MACROD2: variants seen among roughly 807,000 people sequenced by gnomAD.
The protein encoded by MACROD2 is ADP-ribose glycohydrolase MACROD2.
MACROD2 carries 36 observed loss-of-function variants against 70.4 expected under a neutral mutation model. The observed-to-expected ratio is 0.51, with a 90% CI of 0.39 to 0.68. The LOEUF (loss-of-function observed/expected upper bound fraction) is 0.68, where lower values mean the gene tolerates loss of function less well. Among genes scored for constraint, MACROD2 ranks in the 30% least tolerant of loss-of-function variants. The pLI is 0.00. For missense variants in MACROD2, 496 were observed against 538.4 expected (o/e 0.92, Z 0.78); for synonymous variants, 172 against 178.8 (o/e 0.96, Z 0.30).
At chr20:15,286,387 G>T (rs978452720) in intron 6 of MACROD2, among the ~76,000 whole-genome samples, 7 of 151,448 alleles carry the variant, frequency 4.6e-5, no homozygotes, top group African/African-American at 1.7e-4. Context: ...GATTCTCCAG[G>T]TTTATCATAT....
chr20:15,536,402 C>A (rs2047875704), intron 8 of MACROD2, among the ~76,000 whole-genome samples: 1 of 152,132 alleles, frequency 6.6e-6, no homozygotes, highest in Admixed American at 6.5e-5. Flanking sequence ...ATTCTAAGGG[C>A]CCTGGGGATT....
chr20:14,865,040 G>C (rs2073413575), intron 5 of MACROD2, among the ~76,000 whole-genome samples: 3 of 152,042 alleles, frequency 2.0e-5, no homozygotes, highest in African/African-American at 7.2e-5. Flanking sequence ...CTGGTCCTGG[G>C]CCTGTTTGGT....
At chr20:14,936,513 A>G (rs1187442287) in intron 5 of MACROD2, among the ~76,000 whole-genome samples, 1 of 152,174 alleles carries the variant, frequency 6.6e-6, no homozygotes, top group Admixed American at 6.5e-5. Context: ...GAATAAAATA[A>G]ATACATGAAA....
chr20:15,066,798 C>T (rs408041), intron 5 of MACROD2, among the ~76,000 whole-genome samples: 26,646 of 151,478 alleles, frequency 0.18, 2,812 homozygotes, highest in Non-Finnish European at 0.24. Flanking sequence ...AGGAGAATCG[C>T]TTGAACCCGC....
intron 5 of MACROD2, among the ~76,000 whole-genome samples, chr20:14,890,896 A>C (rs919707437): frequency 6.6e-6 from 1 of 152,018 alleles, no homozygotes; most frequent in Admixed American, 6.6e-5. Context: ...CAGCAATTTG[A>C]ATGTCATGAT....
intron 3 of MACROD2, among the ~76,000 whole-genome samples, chr20:14,290,530 A>G (rs1231745349): frequency 1.1e-4 from 15 of 134,926 alleles, no homozygotes; most frequent in South Asian, 2.4e-4. Flanking sequence ...TTTTTTTGAG[A>G]TGGAGTTTTG....
chr20:15,841,466 T>G (rs531673005), intron 8 of MACROD2, among the ~76,000 whole-genome samples: 2 of 152,208 alleles, frequency 1.3e-5, no homozygotes, highest in Admixed American at 6.5e-5. Flanking sequence ...TTAGGAAGCT[T>G]ACAGTCATGT....
chr20:14,899,766 A>G (rs1453613648), intron 5 of MACROD2, among the ~76,000 whole-genome samples: 1 of 152,170 alleles, frequency 6.6e-6, no homozygotes, highest in Non-Finnish European at 1.5e-5. Context: ...CTTTAATGTG[A>G]AGAATTTGAA....
At chr20:15,050,038 T>C (rs1261260235) in intron 5 of MACROD2, among the ~76,000 whole-genome samples, 1 of 152,096 alleles carries the variant, frequency 6.6e-6, no homozygotes, top group African/African-American at 2.4e-5. Context: ...GCTTCCTGCC[T>C]CTAAGCATGT....
intron 8 of MACROD2, among the ~76,000 whole-genome samples, chr20:15,573,139 G>C (rs2048397782): frequency 1.3e-5 from 2 of 152,118 alleles, no homozygotes; most frequent in South Asian, 4.1e-4. Context: ...TGTTGGCATA[G>C]TTCATTCCAG....
chr20:15,362,856 T>A (rs1005998111), intron 6 of MACROD2, among the ~76,000 whole-genome samples: 2 of 149,882 alleles, frequency 1.3e-5, no homozygotes, highest in Non-Finnish European at 3.0e-5. Flanking sequence ...AGGAAAAAAA[T>A]TTAAAAATAT....
At chr20:14,487,052 A>C (rs776049603) in intron 3 of MACROD2, among the ~76,000 whole-genome samples, 12 of 152,218 alleles carry the variant, frequency 7.9e-5, no homozygotes, top group Non-Finnish European at 1.8e-4. Flanking sequence ...AGCAGTGAAC[A>C]TCTCAGAGTG....
intron 5 of MACROD2, among the ~76,000 whole-genome samples, chr20:14,797,108 G>C (rs1319517151): frequency 1.3e-5 from 2 of 151,824 alleles, no homozygotes; most frequent in Non-Finnish European, 2.9e-5. Flanking sequence ...CAGTCTGTCC[G>C]TGTTACTCTC....
chr20:15,526,326 T>G (rs6079873), intron 8 of MACROD2, among the ~76,000 whole-genome samples: 1 of 152,164 alleles, frequency 6.6e-6, no homozygotes, highest in Non-Finnish European at 1.5e-5. Context: ...GATGGAATGA[T>G]ATATAATTAG....
At chr20:15,457,407 A>G (rs977416135) in intron 7 of MACROD2, among the ~76,000 whole-genome samples, 7 of 152,152 alleles carry the variant, frequency 4.6e-5, no homozygotes, top group East Asian at 1.9e-4. Flanking sequence ...ATAATCAGGC[A>G]TAATCTCATA....
At chr20:14,091,181 C>A (rs2054143864) in intron 3 of MACROD2, among the ~76,000 whole-genome samples, 1 of 152,084 alleles carries the variant, frequency 6.6e-6, no homozygotes, top group Admixed American at 6.6e-5. Flanking sequence ...CAAATATTTT[C>A]TCCCATTTTG....
At chr20:15,220,466 A>G (rs2076850044) in intron 5 of MACROD2, among the ~76,000 whole-genome samples, 1 of 152,240 alleles carries the variant, frequency 6.6e-6, no homozygotes, top group Admixed American at 6.5e-5. Context: ...AGAGTTAGCA[A>G]GAATCTTGGG....
intron 8 of MACROD2, among the ~76,000 whole-genome samples, chr20:15,764,872 T>TTAG (rs2051496382): frequency 6.6e-6 from 1 of 152,156 alleles, no homozygotes; most frequent in Admixed American, 6.6e-5. Context: ...CCTTTATGAT[T>TTAG]TAGTCCCTGC....
intron 8 of MACROD2, among the ~76,000 whole-genome samples, chr20:15,675,272 G>A (rs760428422): frequency 1.2e-4 from 18 of 152,100 alleles, no homozygotes; most frequent in Non-Finnish European, 2.4e-4. Context: ...GGATCTTTTG[G>A]TTAATTACAA....
Sources: allele counts gnomAD v4.1 joint callset (sites outside exome capture counted in the v4.1 genomes callset), GRCh38; gene constraint gnomAD v4.1.1; transcripts MANE v1.5; gene names NCBI Gene and HGNC (gene_info 2026-07-23, HGNC 2026-07-21).